The following GREM2 variants were observed in gnomAD, a reference collection of about 807,000 sequenced individuals.
GREM2 encodes gremlin 2, DAN family BMP antagonist.
Under a neutral mutation model 14.2 loss-of-function variants are expected in GREM2, and 11 were observed. That is an observed-to-expected ratio of 0.78 (90% confidence interval 0.49 to 1.28). The LOEUF is 1.28. Ranked by LOEUF, GREM2 falls within the 50% of genes most tolerant of loss-of-function variation. The probability of loss-of-function intolerance (pLI) is 0.00; values close to 1 mark genes in which losing one functional copy is unlikely to be tolerated. For missense variants in GREM2, 210 were observed against 218.5 expected (o/e 0.96, Z 0.24); for synonymous variants, 98 against 97.6 (o/e 1.00, Z -0.02).
At chr1:240,546,567 A>T (rs1411368520) in intron 1 of GREM2, among the ~76,000 whole-genome samples, 1 of 152,218 alleles carries the variant, frequency 6.6e-6, no homozygotes, top group Non-Finnish European at 1.5e-5. Flanking sequence ...GCACATAACA[A>T]GCAATCTATA....
intron 1 of GREM2, among the ~76,000 whole-genome samples, chr1:240,608,469 A>T (rs899192055): frequency 6.6e-6 from 1 of 152,234 alleles, no homozygotes; most frequent in Non-Finnish European, 1.5e-5. Flanking sequence ...TTATAATTGC[A>T]TAAAAGCAGA....
chr1:240,597,212 A>G (rs1679835735), intron 1 of GREM2, among the ~76,000 whole-genome samples: 1 of 152,230 alleles, frequency 6.6e-6, no homozygotes, highest in South Asian at 2.1e-4. Flanking sequence ...CGGGTGTGCA[A>G]CAGAGCTCAG....
intron 1 of GREM2, among the ~76,000 whole-genome samples, chr1:240,527,064 A>G (rs554944725): frequency 5.0e-4 from 76 of 152,346 alleles, no homozygotes; most frequent in African/African-American, 1.7e-3. Flanking sequence ...AGAGCTCATG[A>G]GCAGGAAAAA....
intron 1 of GREM2, among the ~76,000 whole-genome samples, chr1:240,532,068 A>AATTATT (rs531991027): frequency 2.6e-5 from 4 of 150,948 alleles, no homozygotes; most frequent in African/African-American, 4.9e-5. Context: ...TTTGGAACTA[A>AATTATT]ATTATTATTA....
At chr1:240,505,955 A>G (rs1175511395) in intron 1 of GREM2, among the ~76,000 whole-genome samples, 2 of 152,130 alleles carry the variant, frequency 1.3e-5, no homozygotes, top group Non-Finnish European at 2.9e-5. Flanking sequence ...CTCTGGAGAC[A>G]TTTTAAAACG....
At chr1:240,546,304 A>G (rs934840200) in intron 1 of GREM2, among the ~76,000 whole-genome samples, 8 of 151,674 alleles carry the variant, frequency 5.3e-5, no homozygotes, top group Non-Finnish European at 1.0e-4. Context: ...GCGCTACTGC[A>G]CTCCAGCCTG....
intron 1 of GREM2, among the ~76,000 whole-genome samples, chr1:240,605,341 G>C (rs1000890171): frequency 4.6e-5 from 7 of 152,236 alleles, no homozygotes; most frequent in Admixed American, 3.3e-4. Context: ...GCCAGGCATG[G>C]TGGCACATGC....
chr1:240,608,807 C>T (rs1244524335), intron 1 of GREM2, among the ~76,000 whole-genome samples: 1 of 152,184 alleles, frequency 6.6e-6, no homozygotes, highest in African/African-American at 2.4e-5. Context: ...AGAGTTGGCT[C>T]TCCAAAGGGA....
chr1:240,563,064 T>C (rs910496662), intron 1 of GREM2, among the ~76,000 whole-genome samples: 4 of 150,692 alleles, frequency 2.7e-5, no homozygotes, highest in African/African-American at 7.3e-5. Context: ...ATAGTGAGTG[T>C]GTATGTGTGT....
At position 240,508,744 on chromosome 1, in the gene GREM2, T is replaced by G. The variant is rs185904724; in HGVS notation, c.-1-15268A>C. On this transcript the variant is annotated intron_variant, in intron 1 of 1. Transcript: ENST00000318160. ...CAAATTCAATAAACGACTTTCTTTT[T>G]CTTTTATAAGTGGATCTCAAACTTC... 7.7e-4 allele frequency among the ~76,000 whole-genome samples: 118 copies of G among 152,324 alleles called. 1 individual carries two copies. Among genetic ancestry groups the G allele is most frequent in the African/African-American group, 2.7e-3 (111 of 41,570 alleles).
chr1:240,512,397 A>T (rs1677852913), intron 1 of GREM2, among the ~76,000 whole-genome samples: 1 of 92,124 alleles, frequency 1.1e-5, no homozygotes, highest in African/African-American at 5.7e-5. Context: ...ATAACTCAGC[A>T]CCGGGCTAGT....
intron 1 of GREM2, among the ~76,000 whole-genome samples, chr1:240,563,180 T>C (rs1256863124): frequency 4.0e-5 from 6 of 151,554 alleles, no homozygotes; most frequent in African/African-American, 1.2e-4. Flanking sequence ...AGTGTGTGTA[T>C]GTGTACGTGT....
chr1:240,519,239 T>C (rs1050351017), intron 1 of GREM2, among the ~76,000 whole-genome samples: 1 of 152,194 alleles, frequency 6.6e-6, no homozygotes, highest in East Asian at 1.9e-4. Flanking sequence ...AAAATTATAA[T>C]TGGAAGTTTT....
chr1:240,566,773 G>A (rs765558788), intron 1 of GREM2, among the ~76,000 whole-genome samples: 1 of 152,094 alleles, frequency 6.6e-6, no homozygotes, highest in East Asian at 1.9e-4. Context: ...GTACCCAGCA[G>A]GGTCAAATTC....
At chr1:240,538,549 T>A (rs1343846) in intron 1 of GREM2, among the ~76,000 whole-genome samples, 111,335 of 150,556 alleles carry the variant, frequency 0.74, 41,195 homozygotes, top group African/African-American at 0.78. Flanking sequence ...CAAAAAAAAA[T>A]AATAATAATA....
intron 1 of GREM2, among the ~76,000 whole-genome samples, chr1:240,546,088 A>G: frequency 6.6e-6 from 1 of 152,050 alleles, no homozygotes; most frequent in East Asian, 1.9e-4. Context: ...TAATCCCAGC[A>G]CTTTGGGAAG....
intron 1 of GREM2, among the ~76,000 whole-genome samples, chr1:240,538,103 A>G (rs1678512307): frequency 6.6e-6 from 1 of 152,328 alleles, no homozygotes; most frequent in East Asian, 1.9e-4. Flanking sequence ...GGAACAAGTC[A>G]AAGTAGGATT....
At chr1:240,509,421 T>C (rs553138837) in intron 1 of GREM2, among the ~76,000 whole-genome samples, 1 of 144,882 alleles carries the variant, frequency 6.9e-6, no homozygotes, top group East Asian at 2.1e-4. Context: ...CAGGCTGGAG[T>C]GCAATGGCAC....
chr1:240,584,738 A>T (rs78691552), intron 1 of GREM2, among the ~76,000 whole-genome samples: 1 of 152,092 alleles, frequency 6.6e-6, no homozygotes, highest in Non-Finnish European at 1.5e-5. Flanking sequence ...GCAATGCAGT[A>T]TAACAACTAT....
Sources: gnomAD v4.1 joint callset for allele counts (sites outside exome capture counted in the v4.1 genomes callset) on GRCh38, gnomAD v4.1.1 for gene constraint, MANE v1.5 for transcripts, NCBI Gene and HGNC (gene_info 2026-07-23, HGNC 2026-07-21) for gene names.